Variants in PRKN observed in about 807,000 individuals in gnomAD.
PRKN encodes E3 ubiquitin-protein ligase parkin.
Under a neutral mutation model 59.5 loss-of-function variants are expected in PRKN, and 56 were observed. That is an observed-to-expected ratio of 0.94 (90% CI 0.76 to 1.18). The LOEUF (loss-of-function observed/expected upper bound fraction) is 1.18, where lower values mean the gene tolerates loss of function less well. Ranked by LOEUF, PRKN falls within the 50% of genes most tolerant of loss-of-function variation. PRKN has a pLI of 0.00. For synonymous variants in PRKN, 250 were observed against 222.1 expected, an observed-to-expected ratio of 1.13 and a Z score of -1.12; for missense variants, 657 against 596.4, an observed-to-expected ratio of 1.10 and a Z score of -1.06.
intron 9 of PRKN, among the ~76,000 whole-genome samples, chr6:161,537,776 G>A (rs1352012246): frequency 6.6e-6 from 1 of 152,208 alleles, no homozygotes; most frequent in East Asian, 1.9e-4. Flanking sequence ...ACAATCAAAA[G>A]CTTGCATTTG....
At chr6:162,025,014 A>ATTT (rs753238837) in intron 5 of PRKN, among the ~76,000 whole-genome samples, 7 of 130,978 alleles carry the variant, frequency 5.3e-5, no homozygotes, top group Non-Finnish European at 9.8e-5. Flanking sequence ...TCCAGATTGT[A>ATTT]TTTTTTTTTT....
At chr6:162,588,020 T>G (rs1443670982) in intron 1 of PRKN, among the ~76,000 whole-genome samples, 9 of 151,620 alleles carry the variant, frequency 5.9e-5, no homozygotes, top group African/African-American at 2.2e-4. Context: ...TGAGTTTTTT[T>G]TTTTTTTTTA....
At chr6:162,462,342 G>A (rs1441475475) in intron 1 of PRKN, among the ~76,000 whole-genome samples, 1 of 152,146 alleles carries the variant, frequency 6.6e-6, no homozygotes, top group Non-Finnish European at 1.5e-5. Context: ...CCAATGTTTG[G>A]TTCACAAATG....
At chr6:161,744,983 A>G (rs1297865469) in intron 7 of PRKN, among the ~76,000 whole-genome samples, 2 of 152,230 alleles carry the variant, frequency 1.3e-5, no homozygotes, top group Admixed American at 6.5e-5. Flanking sequence ...TTGGTAGATG[A>G]GAAAGCAGAG....
At chr6:162,387,596 A>C (rs1336556944) in intron 2 of PRKN, among the ~76,000 whole-genome samples, 3 of 147,656 alleles carry the variant, frequency 2.0e-5, no homozygotes, top group Non-Finnish European at 4.5e-5. Context: ...AGAGAGAGAG[A>C]GAGAGAGAGA....
intron 4 of PRKN, among the ~76,000 whole-genome samples, chr6:162,106,527 T>C (rs1780201874): frequency 2.0e-5 from 3 of 152,294 alleles, no homozygotes; most frequent in African/African-American, 7.2e-5. Flanking sequence ...CATTAATATC[T>C]ATTTTTAAAA....
intron 2 of PRKN, among the ~76,000 whole-genome samples, chr6:162,394,401 C>G (rs1056983504): frequency 4.6e-5 from 7 of 152,148 alleles, no homozygotes. Context: ...GGCGTTCCTA[C>G]CAACTCAAAC....
chr6:161,781,170 C>G (rs61667398), intron 7 of PRKN, among the ~76,000 whole-genome samples: 10,311 of 152,150 alleles, frequency 0.068, 846 homozygotes, highest in African/African-American at 0.2. Flanking sequence ...AATAGCAAAA[C>G]ACACAAATAT....
chr6:161,601,301 C>T (rs143904725), intron 7 of PRKN, among the ~76,000 whole-genome samples: 5 of 152,204 alleles, frequency 3.3e-5, no homozygotes, highest in African/African-American at 1.2e-4. Flanking sequence ...CTGCTGAAGG[C>T]TTCTTCCCCA....
chr6:161,789,815 CAA>C (rs1790567814), intron 6 of PRKN, among the ~76,000 whole-genome samples: 1 of 152,126 alleles, frequency 6.6e-6, no homozygotes, highest in South Asian at 2.1e-4. Context: ...GTTTTGTAAT[CAA>C]GAGTTATTGA....
chr6:162,693,907 G>A lies in PRKN; in HGVS notation c.7+33755C>T, dbSNP rs192583982. ...TACTATAAATATCTCTGTGCCTATT[G>A]ACCTTGTGCAGCTCTAGGAATAAAT... On this transcript the variant is annotated intron_variant, in intron 1 of 11. Transcript: ENST00000366898. Among the ~76,000 whole-genome samples the A allele has an allele frequency of 3.9e-3, 596 of 152,194 alleles. 1 individual carries two copies. The highest frequency in any genetic ancestry group is 0.013 in the African/African-American group (536 of 41,544).
rs113055724 is a variant in PRKN, at chr6:162,263,494, C to T, written c.172-729G>A. On this transcript the variant is annotated intron_variant, in intron 2 of 11. Coordinates refer to ENST00000366898, the MANE Select transcript of PRKN (RefSeq NM_004562.3). The stretch of plus-strand genomic sequence containing the variant: ...CACCCAGGGTTCATTCTCTTTCTGA[C>T]GATTTAACCATGAAAACCAGCTAAC... Among the ~76,000 whole-genome samples the T allele has an allele frequency of 1.1e-3, 171 of 152,206 alleles. 2 individuals are homozygous for T. Among genetic ancestry groups the T allele is most frequent in the African/African-American group, 3.6e-3 (151 of 41,528 alleles).
chr6:161,656,617 G>A (rs1784361810), intron 7 of PRKN, among the ~76,000 whole-genome samples: 1 of 152,098 alleles, frequency 6.6e-6, no homozygotes, highest in Non-Finnish European at 1.5e-5. Context: ...ATCTCAACGA[G>A]GATGATTCCA....
intron 6 of PRKN, among the ~76,000 whole-genome samples, chr6:161,876,660 A>C (rs1794742993): frequency 6.6e-6 from 1 of 152,164 alleles, no homozygotes; most frequent in Non-Finnish European, 1.5e-5. Context: ...ATCCAAGATT[A>C]ATATATCCCT....
rs1779434847 is a variant in PRKN, at chr6:162,553,832, AAAAAAAAAAAAAAAAAG to A, written c.8-110376_8-110360del. ...AAAAAAAAAAAAAAAAAAAAAAAAA[AAAAAAAAAAAAAAAAAG>A]GGTAAAAGTGAGTGGGGAAAAGGCA... On this transcript the variant is annotated intron_variant, in intron 1 of 11. Coordinates refer to ENST00000366898, the MANE Select transcript of PRKN (RefSeq NM_004562.3). Among the ~76,000 whole-genome samples the A allele has an allele frequency of 3.2e-4, 9 of 28,438 alleles. 1 individual carries two copies. Among genetic ancestry groups the A allele is most frequent in the East Asian group, 8.0e-4 (1 of 1,244 alleles). The allele number at this position is 28,438 out of a possible 152,430, so 18.7% of individuals were successfully genotyped here. A position where few individuals can be genotyped will look rare whatever the true frequency, so the allele number is the denominator to read the frequency against.
At chr6:162,301,241 C>T (rs181151444) in intron 2 of PRKN, among the ~76,000 whole-genome samples, 159 of 152,204 alleles carry the variant, frequency 1.0e-3, no homozygotes, top group Non-Finnish European at 1.0e-3. Context: ...TAAAGTAGCG[C>T]GTCCATGGAA....
chr6:162,191,017 TCA>T (rs1205217165), intron 4 of PRKN, among the ~76,000 whole-genome samples: 1 of 152,138 alleles, frequency 6.6e-6, no homozygotes, highest in African/African-American at 2.4e-5. Context: ...AAGTAGCATT[TCA>T]CACACAAAAA....
chr6:162,455,006 G>A (rs1243059657), intron 1 of PRKN, among the ~76,000 whole-genome samples: 1 of 152,182 alleles, frequency 6.6e-6, no homozygotes, highest in Non-Finnish European at 1.5e-5. Context: ...AGTTAGGCTG[G>A]TATGAATACA....
At position 161,401,946 on chromosome 6, in the gene PRKN, T is replaced by C. The variant is rs535889702; in HGVS notation, c.1084-15069A>G. ...CGGAAGCCGTTAATGCTTCTACTTATATTCTTAAGGCCTCTTAAAGAAGGT... is the reference window on the plus strand; with the variant it reads ...CGGAAGCCGTTAATGCTTCTACTTACATTCTTAAGGCCTCTTAAAGAAGGT... On this transcript the variant is annotated intron_variant, in intron 9 of 11. Transcript: ENST00000366898. The surrounding 1 kb of genome is among the most constrained non-coding windows in gnomAD (Gnocchi z 4.4). 6.6e-6 allele frequency among the ~76,000 whole-genome samples: 1 copy of C among 152,322 alleles called. No homozygotes were observed. The highest frequency in any genetic ancestry group is 6.5e-5 in the Admixed American group (1 of 15,302).
Sources: gnomAD v4.1 joint callset for allele counts (sites outside exome capture counted in the v4.1 genomes callset) on GRCh38, gnomAD v4.1.1 for gene constraint, Gnocchi (gnomAD v3.1) non-coding constraint, MANE v1.5 for transcripts, NCBI Gene and HGNC (gene_info 2026-07-23, HGNC 2026-07-21) for gene names.